CADPS: variants seen among roughly 807,000 people sequenced by gnomAD.
CADPS encodes the protein calcium dependent secretion activator, also known as calcium-dependent secretion activator 1.
In CADPS, 57 loss-of-function variants were observed where a neutral mutation model predicts 167.3. The observed-to-expected ratio is 0.34, with a 90% CI of 0.28 to 0.42. CADPS has a LOEUF of 0.42. Ranked by LOEUF, CADPS falls within the 20% of genes least tolerant of loss-of-function variation. The pLI is 1.00. For synonymous variants in CADPS, 676 were observed against 635.3 expected (o/e 1.06, Z -0.96); for missense variants, 1,414 against 1,738.1 (o/e 0.81, Z 3.32).
chr3:62,449,651 C>A (rs1478167166), intron 26 of CADPS, among the ~76,000 whole-genome samples: 1 of 152,030 alleles, frequency 6.6e-6, no homozygotes, highest in East Asian at 1.9e-4. Flanking sequence ...ATCAAATAAC[C>A]AACAGCCCTT....
intron 1 of CADPS, among the ~76,000 whole-genome samples, chr3:62,767,102 T>A (rs1005096780): frequency 6.6e-6 from 1 of 152,160 alleles, no homozygotes; most frequent in Non-Finnish European, 1.5e-5. Context: ...CAGCCAAAAC[T>A]TTGCTGTTTT....
intron 1 of CADPS, among the ~76,000 whole-genome samples, chr3:62,845,079 T>C (rs1449692166): frequency 2.0e-5 from 3 of 152,178 alleles, no homozygotes; most frequent in Non-Finnish European, 4.4e-5. Context: ...GGACACAGGA[T>C]GCTATCACTG....
chr3:62,587,582 C>G (rs2084928461), intron 7 of CADPS, among the ~76,000 whole-genome samples: 1 of 152,210 alleles, frequency 6.6e-6, no homozygotes, highest in South Asian at 2.1e-4. Flanking sequence ...AAGAAAGGCC[C>G]TGGGCTTCTG....
rs1418603207 is a variant in CADPS, at chr3:62,874,902, G to A, written c.128C>T (p.Ala43Val). Residue 43 changes from alanine (A) to valine (V), a missense_variant, in exon 1 of 30, where the codon GCC (alanine) becomes GTC (valine). Ala to Val is a moderately conservative substitution (Grantham distance 64, BLOSUM62 0). Around this residue, in one of 6 missense-constraint regions of CADPS, gnomAD observed 522 missense variants for 559.5 expected, o/e 0.93. Transcript: ENST00000383710. The surrounding 1 kb of genome is among the most constrained non-coding windows in gnomAD (Gnocchi z 7.1). ...LSPSRTSEGS[A>V]GSAGLGGGGA... is the part of the protein sequence containing the mutation. ...GCCGCCCCCCAGCCCGGCGCTGCCG[G>A]CCGAGCCCTCGCTGGTACGGCTGGG... 14 of 1,394,824 alleles carry A rather than the reference G, an allele frequency of 1.0e-5. No homozygotes were observed. Among genetic ancestry groups the A allele is most frequent in the Admixed American group, 7.8e-5 (3 of 38,418 alleles). The allele number at this position is 1,394,824 out of a possible 1,614,324, so 86.4% of individuals were successfully genotyped here. A position where few individuals can be genotyped will look rare whatever the true frequency, so the allele number is the denominator to read the frequency against.
chr3:62,783,753 A>T (rs2092063461), intron 1 of CADPS, among the ~76,000 whole-genome samples: 2 of 152,244 alleles, frequency 1.3e-5, no homozygotes, highest in African/African-American at 4.8e-5. Flanking sequence ...AGTACTGTAC[A>T]AGTATAAAAG....
chr3:62,755,546 T>A (rs1273324304), intron 2 of CADPS, among the ~76,000 whole-genome samples: 2 of 152,232 alleles, frequency 1.3e-5, no homozygotes, highest in Non-Finnish European at 2.9e-5. Context: ...GAGACAGCAC[T>A]GCCTGGGGGC....
intron 28 of CADPS, among the ~76,000 whole-genome samples, chr3:62,423,021 A>G (rs1031329166): frequency 1.3e-5 from 2 of 152,360 alleles, no homozygotes; most frequent in South Asian, 4.1e-4. Context: ...AAAAGATCTT[A>G]GAACACAGAG....
chr3:62,734,510 A>C (rs564065221), intron 3 of CADPS, among the ~76,000 whole-genome samples: 1 of 152,208 alleles, frequency 6.6e-6, no homozygotes, highest in East Asian at 1.9e-4. Context: ...CTATTGCCAT[A>C]GATTAGTTTT....
intron 11 of CADPS, among the ~76,000 whole-genome samples, chr3:62,537,446 G>A (rs1202834172): frequency 6.6e-6 from 1 of 152,186 alleles, no homozygotes; most frequent in Admixed American, 6.5e-5. Flanking sequence ...CAACTCGTGT[G>A]TGTCCAGGCA....
At chr3:62,686,079 A>T (rs6799849) in intron 3 of CADPS, among the ~76,000 whole-genome samples, 1 of 151,904 alleles carries the variant, frequency 6.6e-6, no homozygotes, top group Non-Finnish European at 1.5e-5. Context: ...ATATCAAAAC[A>T]TCACTATGTA....
chr3:62,705,659 G>C (rs928322007), intron 3 of CADPS, among the ~76,000 whole-genome samples: 1 of 152,120 alleles, frequency 6.6e-6, no homozygotes, highest in Non-Finnish European at 1.5e-5. Context: ...TGTGCTGAAT[G>C]CTTCCTGGCC....
chr3:62,646,979 A>C (rs2068734305), intron 5 of CADPS, among the ~76,000 whole-genome samples: 1 of 152,172 alleles, frequency 6.6e-6, no homozygotes, highest in Non-Finnish European at 1.5e-5. Context: ...AGTTTCTGGC[A>C]CTTCCTACCA....
intron 1 of CADPS, 60 bp from the exon 2 acceptor site, chr3:62,766,044 A>G: frequency 8.0e-7 from 1 of 1,242,762 alleles, no homozygotes. Flanking sequence ...GATCATGGAT[A>G]CTTTATGCTG....
At chr3:62,622,378 G>A (rs2063336413) in intron 6 of CADPS, among the ~76,000 whole-genome samples, 1 of 152,028 alleles carries the variant, frequency 6.6e-6, no homozygotes, top group Admixed American at 6.6e-5. Context: ...TGTTTCCCAG[G>A]CCTTTTAGTT....
intron 1 of CADPS, among the ~76,000 whole-genome samples, chr3:62,784,934 A>G (rs1407953794): frequency 6.6e-6 from 1 of 152,164 alleles, no homozygotes; most frequent in Non-Finnish European, 1.5e-5. Flanking sequence ...TGAGGATATT[A>G]AAGAGTTACT....
intron 28 of CADPS, among the ~76,000 whole-genome samples, chr3:62,417,459 AT>A (rs1173286196): frequency 4.6e-5 from 7 of 150,614 alleles, no homozygotes; most frequent in Non-Finnish European, 1.0e-4. Flanking sequence ...TAATTTTTGT[AT>A]TTTTAGTAGA....
Position 62,421,898 on chromosome 3 carries a change from C to T in CADPS, c.3777+16206G>A, listed in dbSNP as rs1575781945. Among the ~76,000 whole-genome samples the T allele has an allele frequency of 6.6e-6, 1 of 152,182 alleles. No homozygotes were observed. The highest frequency in any genetic ancestry group is 2.1e-4 in the South Asian group (1 of 4,830). ...GAGGGCAGAAAATAGTATTACGCCACGAATGTCTTGGATTAATTTTATTCT... is the reference window on the plus strand; with the variant it reads ...GAGGGCAGAAAATAGTATTACGCCATGAATGTCTTGGATTAATTTTATTCT... On this transcript the variant is annotated intron_variant, in intron 28 of 29. Coordinates refer to ENST00000383710, the MANE Select transcript of CADPS (RefSeq NM_003716.4). This position sits in a 1 kb window ranked among gnomAD's most constrained non-coding sequence, Gnocchi z 4.7.
rs78908719 is a variant in CADPS at position 62,633,507 on chromosome 3, C to T, written c.1325+12215G>A. On this transcript the variant is annotated intron_variant, in intron 6 of 29. Coordinates refer to ENST00000383710, the MANE Select transcript of CADPS (RefSeq NM_003716.4). The stretch of plus-strand genomic sequence containing the variant: ...TTCTCTCTTCCCTCTCCCTGTGCTC[C>T]ACCCTCAGGTCTTCTTCTTGCCCCT... Among the ~76,000 whole-genome samples, 1,181 of 152,180 alleles carry T rather than the reference C, an allele frequency of 7.8e-3. 12 individuals are homozygous for T. Among genetic ancestry groups the T allele is most frequent in the African/African-American group, 0.024 (984 of 41,524 alleles).
At chr3:62,719,434 T>C (rs531779110) in intron 3 of CADPS, among the ~76,000 whole-genome samples, 71 of 152,340 alleles carry the variant, frequency 4.7e-4, no homozygotes, top group African/African-American at 1.5e-3. Context: ...TCAGATTCCG[T>C]CACAGAGCTC....
Sources: allele counts gnomAD v4.1 joint callset (sites outside exome capture counted in the v4.1 genomes callset), GRCh38; gene constraint gnomAD v4.1.1; regional missense constraint gnomAD v4.1.1; non-coding constraint Gnocchi (gnomAD v3.1); transcripts MANE v1.5; gene names NCBI Gene and HGNC (gene_info 2026-07-23, HGNC 2026-07-21).